CCDC91: variants seen among roughly 807,000 people sequenced by gnomAD.
CCDC91 encodes coiled-coil domain-containing protein 91.
CCDC91 carries 48 observed loss-of-function variants against 63.2 expected under a neutral mutation model. The observed-to-expected ratio is 0.76, with a 90% CI of 0.60 to 0.97. The LOEUF is 0.97. Among genes scored for constraint, CCDC91 ranks in the 50% least tolerant of loss-of-function variants. CCDC91 has a pLI of 0.00. For missense variants in CCDC91, 500 were observed against 494.6 expected (o/e 1.01, Z -0.10); for synonymous variants, 167 against 165.8 (o/e 1.01, Z -0.06).
chr12:28,462,290 T>C (rs1950344560), intron 11 of CCDC91, among the ~76,000 whole-genome samples: 2 of 152,122 alleles, frequency 1.3e-5, no homozygotes, highest in Admixed American at 6.6e-5. Context: ...AGTTGTGCAA[T>C]GCCTAATATG....
At chr12:28,369,229 ATACAGTGGTAG>A (rs1319491595) in intron 7 of CCDC91, among the ~76,000 whole-genome samples, 1 of 152,214 alleles carries the variant, frequency 6.6e-6, no homozygotes, top group African/African-American at 2.4e-5. Flanking sequence ...TACTTCCAAG[ATACAGTGGTAG>A]TACAGGCATT....
At chr12:28,300,482 A>C (rs1209832910) in intron 3 of CCDC91, among the ~76,000 whole-genome samples, 1 of 150,286 alleles carries the variant, frequency 6.7e-6, no homozygotes, top group African/African-American at 2.4e-5. Context: ...TGTATAACAT[A>C]ATTTAATACA....
rs370425886 is a variant in CCDC91, at chr12:28,473,212, A to G, written c.1102-10840A>G. Among the ~76,000 whole-genome samples, 5 of 152,288 alleles carry G rather than the reference A, an allele frequency of 3.3e-5. No individual in the cohort carries two copies. The East Asian group carries it at 5.8e-4, about 18-fold the overall frequency. On this transcript the variant is annotated intron_variant, in intron 11 of 12. Coordinates refer to ENST00000536442, the MANE Select transcript of CCDC91 (RefSeq NM_018318.5). ...AGAAAAACTTTCAGTCAAAGCCCTGAGCTCAAAAACAATCACAGCAACTCT... is the reference window on the plus strand; with the variant it reads ...AGAAAAACTTTCAGTCAAAGCCCTGGGCTCAAAAACAATCACAGCAACTCT...
intron 6 of CCDC91, among the ~76,000 whole-genome samples, chr12:28,330,183 A>G (rs956659315): frequency 1.4e-4 from 22 of 152,292 alleles, no homozygotes; most frequent in African/African-American, 5.3e-4. Flanking sequence ...TCCTTAAGGA[A>G]TCGCCACACT....
intron 1 of CCDC91, among the ~76,000 whole-genome samples, chr12:28,200,842 TA>T (rs1393399543): frequency 2.7e-5 from 4 of 148,014 alleles, no homozygotes; most frequent in Non-Finnish European, 4.5e-5. Flanking sequence ...CACTTCCCAG[TA>T]GGGGCGGCTG....
chr12:28,365,197 A>T (rs539447755), intron 7 of CCDC91, among the ~76,000 whole-genome samples: 2 of 152,318 alleles, frequency 1.3e-5, no homozygotes, highest in South Asian at 4.1e-4. Context: ...GTGCTAAGTA[A>T]TGGCGCTGGA....
chr12:28,515,853 A>G (rs948848504), intron 12 of CCDC91, among the ~76,000 whole-genome samples: 1 of 151,906 alleles, frequency 6.6e-6, no homozygotes, highest in Non-Finnish European at 1.5e-5. Flanking sequence ...AAGAAGCAGA[A>G]TATTACCAAC....
chr12:28,549,103 A>G lies in CCDC91; in HGVS notation c.1256A>G (p.Glu419Gly). Reference sequence around the variant, plus strand: ...CGCCAAAGAAGCCTGTCCAGTTTGGAACTGTTCCTCTCCTGTGCACAGAAA... The same window carrying G: ...CGCCAAAGAAGCCTGTCCAGTTTGGGACTGTTCCTCTCCTGTGCACAGAAA... ...VIRQRSLSSL[E>G]LFLSCAQKQL... The change falls in exon 13 of 13, where the codon GAA becomes GGA. Residue 419 changes from glutamate to glycine, a missense_variant. Physicochemically the swap from Glu to Gly is moderately conservative, Grantham distance 98. Coordinates refer to ENST00000536442, the MANE Select transcript of CCDC91 (RefSeq NM_018318.5). The G allele has an allele frequency of 6.2e-7, 1 of 1,612,886 alleles. No homozygotes were observed. Among genetic ancestry groups the G allele is most frequent in the Non-Finnish European group, 8.5e-7 (1 of 1,179,208 alleles).
intron 1 of CCDC91, among the ~76,000 whole-genome samples, chr12:28,192,973 G>A (rs1941392605): frequency 2.0e-5 from 3 of 151,994 alleles, no homozygotes; most frequent in African/African-American, 7.2e-5. Flanking sequence ...GTCTTTTCTG[G>A]TATGTTATGT....
intron 3 of CCDC91, among the ~76,000 whole-genome samples, chr12:28,303,502 A>G (rs559988544): frequency 6.6e-6 from 1 of 152,266 alleles, no homozygotes; most frequent in South Asian, 2.1e-4. Flanking sequence ...GGACAGCATG[A>G]CATCTTATCT....
chr12:28,376,692 CAT>C (rs1247716283), intron 7 of CCDC91, among the ~76,000 whole-genome samples: 2 of 151,766 alleles, frequency 1.3e-5, no homozygotes, highest in Admixed American at 6.6e-5. Context: ...TATCTTTTTG[CAT>C]AGAGGTGTTT....
At chr12:28,233,745 A>G (rs1047181404) in intron 1 of CCDC91, among the ~76,000 whole-genome samples, 12 of 152,166 alleles carry the variant, frequency 7.9e-5, no homozygotes, top group African/African-American at 2.9e-4. Context: ...AAGAAACTCT[A>G]TTCTTACTTA....
At chr12:28,267,979 C>T (rs1288607921) in intron 3 of CCDC91, among the ~76,000 whole-genome samples, 1 of 99,278 alleles carries the variant, frequency 1.0e-5, no homozygotes, top group African/African-American at 4.1e-5. Context: ...TTAATATATA[C>T]CCAATCTTAA....
At chr12:28,461,347 A>G (rs760408271) in intron 11 of CCDC91, among the ~76,000 whole-genome samples, 4 of 152,068 alleles carry the variant, frequency 2.6e-5, no homozygotes, top group Non-Finnish European at 4.4e-5. Flanking sequence ...TGTCCTTTCT[A>G]CACTATGGAT....
rs377254102 is a variant in CCDC91, at chr12:28,302,502, C to T, written c.110-3147C>T. 19 of 333,622 alleles carry T rather than the reference C, an allele frequency of 5.7e-5. No individual in the cohort carries two copies. In the East Asian group the frequency reaches 2.0e-3, roughly 36 times the overall value. The allele number at this position is 333,622 out of a possible 1,614,324, so 20.7% of individuals were successfully genotyped here. On this transcript the variant is annotated intron_variant, in intron 3 of 12. Transcript: ENST00000536442. ...GCTTAGAAGAGTTATTGTAATTTGC[C>T]TAAGGCTGCATAATGCATAAATTGT...
intron 1 of CCDC91, among the ~76,000 whole-genome samples, chr12:28,237,799 T>C (rs1346698897): frequency 1.3e-5 from 2 of 152,218 alleles, no homozygotes; most frequent in African/African-American, 4.8e-5. Flanking sequence ...TTGAAATCAC[T>C]GAAATATTTA....
At chr12:28,508,588 T>C (rs1361419760) in intron 12 of CCDC91, among the ~76,000 whole-genome samples, 1 of 151,882 alleles carries the variant, frequency 6.6e-6, no homozygotes, top group African/African-American at 2.4e-5. Flanking sequence ...TTGATCAGGA[T>C]CAATTACCTT....
At chr12:28,432,016 C>G (rs1251004824) in intron 8 of CCDC91, among the ~76,000 whole-genome samples, 1 of 151,722 alleles carries the variant, frequency 6.6e-6, no homozygotes, top group Admixed American at 6.6e-5. Flanking sequence ...ACTTCTTTAA[C>G]TTAGTAATAT....
chr12:28,267,188 C>A (rs766579355), intron 3 of CCDC91, among the ~76,000 whole-genome samples: 2 of 151,522 alleles, frequency 1.3e-5, no homozygotes, highest in Non-Finnish European at 3.0e-5. Flanking sequence ...TTTATAAATT[C>A]TTTTTTAACC....
Sources: allele counts gnomAD v4.1 joint callset (sites outside exome capture counted in the v4.1 genomes callset), GRCh38; gene constraint gnomAD v4.1.1; transcripts MANE v1.5; gene names NCBI Gene and HGNC (gene_info 2026-07-23, HGNC 2026-07-21).